The following RANBP17 variants were observed in gnomAD, a reference collection of about 807,000 sequenced individuals.
RANBP17 encodes the protein RAN binding protein 17.
RANBP17 carries 158 observed loss-of-function variants against 141.2 expected under a neutral mutation model. That is an observed-to-expected ratio of 1.12 (90% CI 0.98 to 1.28). The LOEUF is 1.28. RANBP17 is among the 50% of genes most tolerant of loss of function. RANBP17 has a pLI of 0.00. For synonymous variants in RANBP17, 430 were observed against 450.0 expected (o/e 0.96, Z 0.56); for missense variants, 1,438 against 1,290.7 (o/e 1.11, Z -1.75).
intron 14 of RANBP17, among the ~76,000 whole-genome samples, chr5:170,977,325 A>AT (rs1777451439): frequency 6.6e-6 from 1 of 151,988 alleles, no homozygotes; most frequent in African/African-American, 2.4e-5. Flanking sequence ...GATGAATATG[A>AT]TTAAAAAAAA....
intron 13 of RANBP17, among the ~76,000 whole-genome samples, chr5:170,967,526 T>C (rs1447327123): frequency 6.6e-6 from 1 of 151,668 alleles, no homozygotes; most frequent in African/African-American, 2.4e-5. Context: ...TTTTTTGAGG[T>C]TCTGCACTAA....
chr5:171,081,055 G>A (rs1785234097), intron 14 of RANBP17, among the ~76,000 whole-genome samples: 1 of 152,118 alleles, frequency 6.6e-6, no homozygotes, highest in South Asian at 2.1e-4. Flanking sequence ...TGACAAAATT[G>A]GAGCCCAGAG....
At chr5:170,874,157 G>A (rs2127335303) in intron 1 of RANBP17, among the ~76,000 whole-genome samples, 1 of 152,270 alleles carries the variant, frequency 6.6e-6, no homozygotes, top group South Asian at 2.1e-4. Context: ...GGTTTTGAGT[G>A]AGTTTCTTAA....
intron 14 of RANBP17, among the ~76,000 whole-genome samples, chr5:171,105,121 G>A (rs1011911361): frequency 3.3e-5 from 5 of 151,704 alleles, no homozygotes; most frequent in East Asian, 1.9e-4. Context: ...GGTGGCTCAC[G>A]CCTGTAATCC....
At chr5:171,253,865 A>G (rs1441461150) in intron 24 of RANBP17, among the ~76,000 whole-genome samples, 1 of 152,210 alleles carries the variant, frequency 6.6e-6, no homozygotes, top group Non-Finnish European at 1.5e-5. Context: ...GGAGGAACTG[A>G]TATCTCTGGC....
chr5:171,171,173 T>TA, intron 15 of RANBP17, 33 bp from the exon 16 acceptor site: 3 of 1,186,174 alleles, frequency 2.5e-6, no homozygotes, highest in Non-Finnish European at 3.7e-6. Flanking sequence ...GCAAATATCT[T>TA]ACTTATAATT....
At chr5:170,932,546 G>A (rs894445271) in intron 12 of RANBP17, among the ~76,000 whole-genome samples, 1 of 121,456 alleles carries the variant, frequency 8.2e-6, no homozygotes, top group Non-Finnish European at 1.8e-5. Flanking sequence ...CTGTGGGTTT[G>A]TCATAAATAG....
At chr5:171,097,535 G>T (rs1039960875) in intron 14 of RANBP17, among the ~76,000 whole-genome samples, 1 of 151,240 alleles carries the variant, frequency 6.6e-6, no homozygotes, top group Non-Finnish European at 1.5e-5. Flanking sequence ...AATGAAATGG[G>T]TGTCTAAGAA....
At chr5:171,220,466 T>TTA (rs1410997255) in intron 21 of RANBP17, among the ~76,000 whole-genome samples, 3 of 136,748 alleles carry the variant, frequency 2.2e-5, no homozygotes, top group Admixed American at 7.5e-5. Context: ...TTTTTTTTTT[T>TTA]GAGACAGAGT....
rs115819671 is a variant in RANBP17 at position 170,993,982 on chromosome 5, G to A, written c.1710+25605G>A. On this transcript the variant is annotated intron_variant, in intron 14 of 27. Transcript: ENST00000523189. The stretch of plus-strand genomic sequence containing the variant: ...TATAATGCATATTGGCATGTTAAAC[G>A]CTTTAAGGAGCTCCTACCTTAAACG... Among the ~76,000 whole-genome samples, 373 of 152,036 alleles carry A rather than the reference G, an allele frequency of 2.5e-3. 2 individuals are homozygous for A. The highest frequency in any genetic ancestry group is 7.4e-3 in the African/African-American group (306 of 41,504).
chr5:170,940,135 T>G (rs1774209740), intron 12 of RANBP17, among the ~76,000 whole-genome samples: 1 of 152,160 alleles, frequency 6.6e-6, no homozygotes, highest in African/African-American at 2.4e-5. Context: ...AGCCAATTAA[T>G]TATAAGTTAC....
At chr5:171,061,657 G>A (rs1458324475) in intron 14 of RANBP17, among the ~76,000 whole-genome samples, 5 of 152,180 alleles carry the variant, frequency 3.3e-5, no homozygotes, top group Non-Finnish European at 7.4e-5. Flanking sequence ...GGGGTGGAGA[G>A]TTCTGTAGGT....
intron 14 of RANBP17, among the ~76,000 whole-genome samples, chr5:171,025,566 C>CTT: frequency 6.9e-6 from 1 of 145,248 alleles, no homozygotes; most frequent in South Asian, 2.2e-4. Flanking sequence ...GTCCTTAGTC[C>CTT]TTTTTTTTTT....
At chr5:171,105,780 G>T (rs754292810) in intron 14 of RANBP17, among the ~76,000 whole-genome samples, 10 of 152,076 alleles carry the variant, frequency 6.6e-5, no homozygotes, top group Admixed American at 1.3e-4. Context: ...TATATTTTTA[G>T]AATCAGTTTT....
intron 12 of RANBP17, among the ~76,000 whole-genome samples, chr5:170,939,551 T>G (rs1015664202): frequency 1.3e-5 from 2 of 151,798 alleles, no homozygotes; most frequent in African/African-American, 2.4e-5. Flanking sequence ...CGGGCTAAAT[T>G]TTTTGTATTG....
At chr5:171,077,594 T>G (rs1262400650) in intron 14 of RANBP17, among the ~76,000 whole-genome samples, 1 of 152,072 alleles carries the variant, frequency 6.6e-6, no homozygotes, top group African/African-American at 2.4e-5. Context: ...CACAACAAAC[T>G]AATAACTGTG....
At chr5:171,061,162 T>G (rs1268840148) in intron 14 of RANBP17, among the ~76,000 whole-genome samples, 1 of 152,094 alleles carries the variant, frequency 6.6e-6, no homozygotes, top group Non-Finnish European at 1.5e-5. Context: ...TCTGTTTCCT[T>G]CAGTTCTGCT....
At chr5:170,972,480 G>A (rs1053302312) in intron 14 of RANBP17, among the ~76,000 whole-genome samples, 3 of 152,004 alleles carry the variant, frequency 2.0e-5, no homozygotes, top group Non-Finnish European at 4.4e-5. Context: ...CACCACATCT[G>A]ACCAGAATTC....
chr5:171,064,610 C>G (rs1784177628), intron 14 of RANBP17, among the ~76,000 whole-genome samples: 1 of 152,218 alleles, frequency 6.6e-6, no homozygotes, highest in Admixed American at 6.5e-5. Context: ...GATCCTCCCA[C>G]TTTAGCCTTC....
Sources: gnomAD v4.1 joint callset for allele counts (sites outside exome capture counted in the v4.1 genomes callset) on GRCh38, gnomAD v4.1.1 for gene constraint, MANE v1.5 for transcripts, NCBI Gene and HGNC (gene_info 2026-07-23, HGNC 2026-07-21) for gene names.